The following CHD9 variants were observed in gnomAD, a reference collection of about 807,000 sequenced individuals.
The protein encoded by CHD9 is ATP-dependent chromatin remodeler CHD9.
A neutral mutation model predicts 316.1 loss-of-function variants in CHD9; 77 were observed. The ratio of observed to expected loss-of-function variants is 0.24; its 90% CI spans 0.20 to 0.29. CHD9 has a LOEUF of 0.29. CHD9 is among the 10% of genes least tolerant of loss of function. The probability of loss-of-function intolerance (pLI) is 1.00; values close to 1 mark genes in which losing one functional copy is unlikely to be tolerated. For synonymous variants in CHD9, 1,129 were observed against 1,158.3 expected (o/e 0.97, Z 0.51); for missense variants, 2,763 against 3,438.1 (o/e 0.80, Z 4.91).
intron 1 of CHD9, among the ~76,000 whole-genome samples, chr16:53,146,438 A>ATATATATAT (rs1567374423): frequency 2.2e-5 from 1 of 46,374 alleles, no homozygotes; most frequent in African/African-American, 9.2e-5. Context: ...TATATATATA[A>ATATATATAT]TTAAAAAGTT....
intron 37 of CHD9, 147 bp from the exon 38 acceptor site, chr16:53,321,379 C>A: frequency 7.3e-7 from 1 of 1,369,430 alleles, no homozygotes; most frequent in Non-Finnish European, 9.4e-7. Context: ...TCACGGTGGG[C>A]CTTTTTAATA....
chr16:53,149,397 A>G (rs1405534900), intron 1 of CHD9, among the ~76,000 whole-genome samples: 1 of 152,042 alleles, frequency 6.6e-6, no homozygotes, highest in Non-Finnish European at 1.5e-5. Flanking sequence ...TATATTGTAG[A>G]ATTATTTGTT....
chr16:53,120,950 G>A (rs1396678578), intron 1 of CHD9, among the ~76,000 whole-genome samples: 1 of 151,322 alleles, frequency 6.6e-6, no homozygotes, highest in Non-Finnish European at 1.5e-5. Flanking sequence ...AGGCTGCAGT[G>A]AGCCAAGATC....
intron 1 of CHD9, among the ~76,000 whole-genome samples, chr16:53,151,214 C>T (rs562857616): frequency 9.9e-4 from 118 of 118,612 alleles, no homozygotes; most frequent in Non-Finnish European, 2.0e-3. Flanking sequence ...CCCTCCCCTC[C>T]CCCCCTCCCC....
chr16:53,116,042 C>A (rs1158456754), intron 1 of CHD9, among the ~76,000 whole-genome samples: 1 of 152,080 alleles, frequency 6.6e-6, no homozygotes, highest in African/African-American at 2.4e-5. Flanking sequence ...TAAGCAAATA[C>A]CAGCCTGACA....
intron 2 of CHD9, among the ~76,000 whole-genome samples, chr16:53,178,427 C>CTTT (rs10569589): frequency 1.3e-3 from 128 of 98,944 alleles, no homozygotes; most frequent in African/African-American, 1.6e-3. Context: ...TTGTTGGTTT[C>CTTT]TTTTTTTTTT....
intron 1 of CHD9, among the ~76,000 whole-genome samples, chr16:53,125,357 G>A (rs1477391298): frequency 6.6e-6 from 1 of 151,364 alleles, no homozygotes; most frequent in Non-Finnish European, 1.5e-5. Context: ...CCGAGTAGCT[G>A]GGATTATAGG....
intron 16 of CHD9, 173 bp downstream of exon 16, chr16:53,247,676 T>C: frequency 1.7e-6 from 1 of 574,434 alleles, no homozygotes; most frequent in South Asian, 2.3e-5. Flanking sequence ...TTTCCTAACC[T>C]GCATATGTTG....
intron 1 of CHD9, among the ~76,000 whole-genome samples, chr16:53,136,397 T>G (rs146943649): frequency 6.6e-6 from 1 of 152,166 alleles, no homozygotes; most frequent in African/African-American, 2.4e-5. Context: ...TCAGTAACTA[T>G]GGTTCTGAAA....
intron 2 of CHD9, among the ~76,000 whole-genome samples, chr16:53,158,699 C>T (rs1409783877): frequency 6.6e-6 from 1 of 151,930 alleles, no homozygotes. Context: ...TGCAGTGGCA[C>T]CATCAGGGCT....
intron 28 of CHD9, 21 bp downstream of exon 28, chr16:53,291,788 T>C: frequency 7.2e-7 from 1 of 1,398,472 alleles, no homozygotes; most frequent in Non-Finnish European, 9.7e-7. Flanking sequence ...CGTACTTCTG[T>C]ACTTAGTATT....
intron 1 of CHD9, among the ~76,000 whole-genome samples, chr16:53,136,465 G>T (rs768801975): frequency 6.0e-5 from 9 of 150,828 alleles, no homozygotes; most frequent in Non-Finnish European, 7.4e-5. Flanking sequence ...GATATTTTTT[G>T]ATTCTGTCTT....
At chr16:53,123,626 TGA>T (rs1404997518) in intron 1 of CHD9, among the ~76,000 whole-genome samples, 1 of 151,972 alleles carries the variant, frequency 6.6e-6, no homozygotes, top group African/African-American at 2.4e-5. Context: ...CTCAGCCTCC[TGA>T]GTAGCTGAGA....
At chr16:53,169,381 T>C (rs144419278) in intron 2 of CHD9, 14 of 152,254 alleles carry the variant, frequency 9.2e-5, no homozygotes, top group African/African-American at 3.4e-4. Context: ...TAAGGCTAGA[T>C]CTCAACTGGT....
Position 53,314,422 on chromosome 16 carries a change from A to G in CHD9, c.7268A>G (p.Asp2423Gly), listed in dbSNP as rs751380019. 7.6e-6 allele frequency: 12 copies of G among 1,589,394 alleles called. No homozygotes were observed. The highest frequency in any genetic ancestry group is 5.3e-5 in the Admixed American group (3 of 56,398). ...CTTGGTGCCAATGGTGTGATATTAG[A>G]CAACCAGCCTATAGTCAAAAAAAGG... The part of the protein sequence containing the change: ...PTLGANGVIL[D>G]NQPIVKKRRG... The change falls in exon 35 of 39, where the codon GAC becomes GGC. Residue 2423 changes from aspartate (D) to glycine (G), a missense_variant. Coordinates refer to ENST00000447540, the MANE Select transcript of CHD9 (RefSeq NM_001308319.2).
At chr16:53,089,907 G>C (rs977356559) in intron 1 of CHD9, among the ~76,000 whole-genome samples, 1 of 152,188 alleles carries the variant, frequency 6.6e-6, no homozygotes, top group African/African-American at 2.4e-5. Context: ...ACAAGACTTG[G>C]TCTTCCTCGT....
chr16:53,149,622 C>T (rs1237616840), intron 1 of CHD9, among the ~76,000 whole-genome samples: 1 of 148,280 alleles, frequency 6.7e-6, no homozygotes, highest in Non-Finnish European at 1.5e-5. Flanking sequence ...AATCATAGTT[C>T]ACTGTAACCT....
chr16:53,236,453 G>A (rs2048627520), intron 11 of CHD9, among the ~76,000 whole-genome samples: 2 of 152,000 alleles, frequency 1.3e-5, no homozygotes. Flanking sequence ...TAGAGCCTTA[G>A]AGCCTTACTT....
chr16:53,272,311 A>G (rs1216929924), intron 22 of CHD9, among the ~76,000 whole-genome samples: 1 of 151,964 alleles, frequency 6.6e-6, no homozygotes, highest in Admixed American at 6.6e-5. Flanking sequence ...ACAAGTATGA[A>G]CTTACATACA....
Sources: allele counts gnomAD v4.1 joint callset (sites outside exome capture counted in the v4.1 genomes callset), GRCh38; gene constraint gnomAD v4.1.1; transcripts MANE v1.5; gene names NCBI Gene and HGNC (gene_info 2026-07-23, HGNC 2026-07-21).